CECR2: variants seen among roughly 807,000 people sequenced by gnomAD.
CECR2 encodes chromatin remodeling regulator CECR2.
Under a neutral mutation model 154.5 loss-of-function variants are expected in CECR2, and 30 were observed. The observed-to-expected ratio is 0.19, with a 90% confidence interval of 0.15 to 0.26. The LOEUF (loss-of-function observed/expected upper bound fraction) is 0.26. Ranked by LOEUF, CECR2 falls within the 10% of genes least tolerant of loss-of-function variation. The pLI is 1.00. For missense variants in CECR2, 1,743 were observed against 1,829.3 expected (o/e 0.95, Z 0.86); for synonymous variants, 725 against 683.7 (o/e 1.06, Z -0.94).
chr22:17,435,036 C>G (rs558137876), intron 1 of CECR2, among the ~76,000 whole-genome samples: 1 of 152,002 alleles, frequency 6.6e-6, no homozygotes, highest in African/African-American at 2.4e-5. Context: ...GGGATGGGGC[C>G]GGATGTGCAG....
In CECR2 at chr22:17,548,963, C is replaced by T. The variant is rs1366684764; in HGVS notation, c.3676C>T (p.Pro1226Ser). 6.2e-7 allele frequency: 1 copy of T among 1,613,994 alleles called. No individual in the cohort carries two copies. Among genetic ancestry groups the T allele is most frequent in the Admixed American group, 1.7e-5 (1 of 60,012 alleles). The change falls in exon 17 of 19, where the codon CCA becomes TCA. Residue 1226 changes from proline (P) to serine (S), a missense_variant. Coordinates refer to ENST00000262608, the MANE Select transcript of CECR2 (RefSeq NM_001290047.2). ...LHPQGSPSGP[P>S]ASQPPPPRSL... ...TCCCCAGGGAAGCCCAAGCGGACCC[C>T]CAGCCAGTCAGCCTCCCCCACCAAG...
intron 1 of CECR2, among the ~76,000 whole-genome samples, chr22:17,474,506 A>G (rs1031720601): frequency 2.6e-5 from 4 of 152,134 alleles, no homozygotes; most frequent in Admixed American, 1.3e-4. Flanking sequence ...CTGATATTCT[A>G]CTTTCTATTG....
intron 1 of CECR2, among the ~76,000 whole-genome samples, chr22:17,400,568 T>C (rs1040918035): frequency 6.6e-6 from 1 of 152,230 alleles, no homozygotes; most frequent in East Asian, 1.9e-4. Flanking sequence ...AGCTGCATTC[T>C]GACTCCCAGG....
At chr22:17,394,845 GGTT>G (rs2053783757) in intron 1 of CECR2, among the ~76,000 whole-genome samples, 1 of 152,018 alleles carries the variant, frequency 6.6e-6, no homozygotes, top group Non-Finnish European at 1.5e-5. Flanking sequence ...TCCAAGTATA[GGTT>G]TTTTTGCTGT....
chr22:17,495,082 T>C (rs2055599125), intron 2 of CECR2, among the ~76,000 whole-genome samples: 1 of 152,218 alleles, frequency 6.6e-6, no homozygotes, highest in East Asian at 1.9e-4. Flanking sequence ...TACCATAGAT[T>C]ATAAGTCAAC....
At chr22:17,407,090 G>C (rs1420734829) in intron 1 of CECR2, among the ~76,000 whole-genome samples, 1 of 152,212 alleles carries the variant, frequency 6.6e-6, no homozygotes, top group Non-Finnish European at 1.5e-5. Context: ...CCGTGTTCTT[G>C]AAGTTTAATG....
chr22:17,393,888 A>ATT (rs71200270), intron 1 of CECR2, among the ~76,000 whole-genome samples: 6,706 of 133,980 alleles, frequency 0.05, 225 homozygotes, highest in African/African-American at 0.083. Flanking sequence ...TTTTTTATTC[A>ATT]TTTTTTTTTT....
intron 7 of CECR2, among the ~76,000 whole-genome samples, chr22:17,506,805 C>A (rs2055855608): frequency 6.6e-6 from 1 of 152,130 alleles, no homozygotes; most frequent in South Asian, 2.1e-4. Context: ...AGGCGTGCGC[C>A]ACCATGCCTG....
chr22:17,538,837 T>C, intron 12 of CECR2, 106 bp downstream of exon 12: 2 of 1,317,128 alleles, frequency 1.5e-6, no homozygotes, highest in East Asian at 4.7e-5. Flanking sequence ...CGTTTTTCTT[T>C]TCAACTGTCA....
At chr22:17,413,851 T>G (rs5746369) in intron 1 of CECR2, among the ~76,000 whole-genome samples, 100,146 of 149,290 alleles carry the variant, frequency 0.67, 34,065 homozygotes, top group African/African-American at 0.79. Flanking sequence ...TAATTTTTTT[T>G]TTTTTTTAGT....
In CECR2 at chr22:17,540,572, T is replaced by C. The variant is rs373434721; in HGVS notation, c.1656T>C (p.His552=). The change falls in exon 14 of 19, where the codon CAT becomes CAC. Residue 552 remains histidine, a synonymous_variant. Transcript: ENST00000262608. The stretch of plus-strand genomic sequence containing the variant: ...GGGCTGGGCGAAGTGGTGGGAGCCA[T>C]GTTTGGACCCGCTCCAGGGACCCAG... ...RSRAGRSGGS[H]VWTRSRDPEG... 5 of 1,612,650 alleles carry C rather than the reference T, an allele frequency of 3.1e-6. No individual in the cohort carries two copies. The highest frequency in any genetic ancestry group is 4.2e-6 in the Non-Finnish European group (5 of 1,179,196).
At chr22:17,513,995 TAC>T (rs1185766100) in intron 8 of CECR2, among the ~76,000 whole-genome samples, 2 of 152,248 alleles carry the variant, frequency 1.3e-5, no homozygotes, top group African/African-American at 4.8e-5. Context: ...ACCACAGTAT[TAC>T]AGAGACTGTA....
At chr22:17,495,577 A>AAC (rs1555918322) in intron 2 of CECR2, among the ~76,000 whole-genome samples, 4 of 150,224 alleles carry the variant, frequency 2.7e-5, no homozygotes, top group African/African-American at 7.4e-5. Flanking sequence ...TAAAAAAAAA[A>AAC]AAAAAACGGG....
chr22:17,494,376 C>T (rs541569207), intron 2 of CECR2, among the ~76,000 whole-genome samples: 7 of 151,998 alleles, frequency 4.6e-5, no homozygotes, highest in East Asian at 1.9e-4. Context: ...TCAAATTCAC[C>T]GTTACGACAC....
At chr22:17,503,164 A>T (rs778980359) in intron 6 of CECR2, 33 bp downstream of exon 6, 7 of 1,583,110 alleles carry the variant, frequency 4.4e-6, no homozygotes, top group Non-Finnish European at 6.0e-6. Context: ...AGAAAGAATT[A>T]AATAAATATG....
At chr22:17,450,339 C>T (rs749493122) in intron 1 of CECR2, among the ~76,000 whole-genome samples, 7 of 152,146 alleles carry the variant, frequency 4.6e-5, no homozygotes, top group Non-Finnish European at 7.4e-5. Flanking sequence ...GGCGCAACAT[C>T]GGCTCACTGC....
At chr22:17,364,274 C>T (rs568647684) in intron 1 of CECR2, among the ~76,000 whole-genome samples, 10 of 136,158 alleles carry the variant, frequency 7.3e-5, no homozygotes, top group Non-Finnish European at 1.1e-4. Context: ...ACCTGGGAGG[C>T]GGAGCTTGCA....
intron 2 of CECR2, among the ~76,000 whole-genome samples, chr22:17,491,582 T>TGTGTG (rs887468757): frequency 1.3e-4 from 13 of 103,262 alleles, no homozygotes; most frequent in African/African-American, 3.5e-4. Context: ...TGTGTGTGTG[T>TGTGTG]GGGGGGGTGG....
chr22:17,490,189 C>A (rs1158373162), intron 2 of CECR2, among the ~76,000 whole-genome samples: 1 of 150,796 alleles, frequency 6.6e-6, no homozygotes, highest in East Asian at 1.9e-4. Context: ...AATGAGAAGC[C>A]AGTATTAAAA....
Sources: gnomAD v4.1 joint callset for allele counts (sites outside exome capture counted in the v4.1 genomes callset) on GRCh38, gnomAD v4.1.1 for gene constraint, MANE v1.5 for transcripts, NCBI Gene and HGNC (gene_info 2026-07-23, HGNC 2026-07-21) for gene names.